The following SLC16A7 variants were observed in gnomAD, a reference collection of about 807,000 sequenced individuals.
SLC16A7 encodes the protein solute carrier family 16 member 7, also known as monocarboxylate transporter 2.
SLC16A7 carries 33 observed loss-of-function variants against 34.9 expected under a neutral mutation model. The ratio of observed to expected loss-of-function variants is 0.94; its 90% confidence interval spans 0.72 to 1.26. The LOEUF (loss-of-function observed/expected upper bound fraction) is 1.26, where lower values mean the gene tolerates loss of function less well. SLC16A7 is among the 50% of genes most tolerant of loss of function. The pLI, the probability that SLC16A7 is intolerant of heterozygous loss-of-function variation, is 0.00. For missense variants in SLC16A7, 573 were observed against 578.1 expected, an observed-to-expected ratio of 0.99 and a Z score of 0.09; for synonymous variants, 201 against 206.6, an observed-to-expected ratio of 0.97 and a Z score of 0.23.
At chr12:59,688,664 C>T (rs1293127982) in intron 2 of SLC16A7, among the ~76,000 whole-genome samples, 3 of 151,776 alleles carry the variant, frequency 2.0e-5, no homozygotes, top group African/African-American at 7.3e-5. Context: ...TGTGAGTATC[C>T]TCTTTACAAT....
At chr12:59,691,822 A>C (rs1592506461) in intron 2 of SLC16A7, among the ~76,000 whole-genome samples, 1 of 151,954 alleles carries the variant, frequency 6.6e-6, no homozygotes, top group Admixed American at 6.6e-5. Flanking sequence ...TCAGTTTGCC[A>C]CAGTGATAAA....
intron 2 of SLC16A7, among the ~76,000 whole-genome samples, chr12:59,681,255 T>C (rs1256707103): frequency 6.6e-6 from 1 of 152,224 alleles, no homozygotes; most frequent in Non-Finnish European, 1.5e-5. Context: ...GCGAGACAAG[T>C]GTATGTACCA....
In SLC16A7 at chr12:59,676,048, G is replaced by A. The variant is rs140338469; in HGVS notation, c.-31+20798G>A. On this transcript the variant is annotated intron_variant, in intron 2 of 5. Coordinates refer to ENST00000547379, the MANE Select transcript of SLC16A7 (RefSeq NM_001270623.2). ...AGGCAAATTGTCAAGAAATTTATGA[G>A]GGTAACAGCTTGAATATGTGTTCCC... 2.0e-3 allele frequency among the ~76,000 whole-genome samples: 305 copies of A among 152,136 alleles called. 1 individual carries two copies. Among genetic ancestry groups the A allele is most frequent in the African/African-American group, 6.9e-3 (286 of 41,500 alleles).
At chr12:59,693,381 TGAAA>T (rs1490454349) in intron 2 of SLC16A7, among the ~76,000 whole-genome samples, 6 of 151,908 alleles carry the variant, frequency 3.9e-5, no homozygotes, top group African/African-American at 1.4e-4. Flanking sequence ...TTTATGTGAC[TGAAA>T]GAGTCTTGAA....
chr12:59,678,014 T>G (rs1056908365), intron 2 of SLC16A7, among the ~76,000 whole-genome samples: 20 of 152,134 alleles, frequency 1.3e-4, no homozygotes, highest in African/African-American at 4.8e-4. Context: ...GGCCTGAATA[T>G]CACACCTGCC....
intron 3 of SLC16A7, among the ~76,000 whole-genome samples, chr12:59,763,635 C>A (rs1002591627): frequency 4.6e-5 from 7 of 152,084 alleles, no homozygotes; most frequent in African/African-American, 1.7e-4. Context: ...CTACTTATTG[C>A]ATTTCACTTT....
chr12:59,739,998 T>C (rs1364559691), intron 3 of SLC16A7, among the ~76,000 whole-genome samples: 2 of 152,060 alleles, frequency 1.3e-5, no homozygotes, highest in Non-Finnish European at 2.9e-5. Context: ...GTAGGTTGCC[T>C]GTTCACTCTG....
chr12:59,770,792 A>G (rs1007287686), intron 3 of SLC16A7, among the ~76,000 whole-genome samples: 2 of 152,216 alleles, frequency 1.3e-5, no homozygotes, highest in African/African-American at 4.8e-5. Context: ...AATTAATGGC[A>G]TATGTATGTG....
chr12:59,687,651 A>T (rs552614479), intron 2 of SLC16A7, among the ~76,000 whole-genome samples: 1 of 152,252 alleles, frequency 6.6e-6, no homozygotes, highest in East Asian at 1.9e-4. Flanking sequence ...TTTCTTGCCC[A>T]TGCTGCTTAG....
intron 1 of SLC16A7, among the ~76,000 whole-genome samples, chr12:59,628,696 T>A (rs749765989): frequency 4.0e-5 from 6 of 151,792 alleles, no homozygotes; most frequent in African/African-American, 7.3e-5. Context: ...GCGCGTATTT[T>A]GTCCAGTACC....
chr12:59,704,925 G>C lies in SLC16A7; in HGVS notation c.124G>C (p.Val42Leu). ...FSYAFPKAVTVFFKEIQQIFH... is the reference protein window; with the variant it reads ...FSYAFPKAVTLFFKEIQQIFH... The stretch of plus-strand genomic sequence containing the variant: ...CTATGCATTCCCCAAAGCTGTCACC[G>C]TATTCTTCAAAGAAATTCAGCAAAT... Residue 42 changes from valine (V) to leucine (L), a missense_variant, in exon 3 of 6, where the codon GTA becomes CTA. Coordinates refer to ENST00000547379, the MANE Select transcript of SLC16A7 (RefSeq NM_001270623.2). 6.2e-7 allele frequency: 1 copy of C among 1,613,086 alleles called. No individual in the cohort carries two copies. The highest frequency in any genetic ancestry group is 8.5e-7 in the Non-Finnish European group (1 of 1,179,182).
Position 59,764,933 on chromosome 12 carries a change from G to A in SLC16A7, c.218-6286G>A, listed in dbSNP as rs538470327. ...ACTGTCTTCCACAATGGTTGAACTAGTTTACAGTCCCACCAACAGTGTGAA... is the reference window on the plus strand; with the variant it reads ...ACTGTCTTCCACAATGGTTGAACTAATTTACAGTCCCACCAACAGTGTGAA... On this transcript the variant is annotated intron_variant, in intron 3 of 5. Coordinates refer to ENST00000547379, the MANE Select transcript of SLC16A7 (RefSeq NM_001270623.2). Among the ~76,000 whole-genome samples the A allele has an allele frequency of 3.3e-5, 5 of 152,258 alleles. No homozygotes were observed. In the East Asian group the frequency reaches 7.7e-4, roughly 24 times the overall value.
chr12:59,676,136 A>T (rs1206168222), intron 2 of SLC16A7, among the ~76,000 whole-genome samples: 3 of 152,120 alleles, frequency 2.0e-5, no homozygotes, highest in African/African-American at 7.2e-5. Flanking sequence ...TAAGTCTCAA[A>T]ACCTAAAGTT....
intron 2 of SLC16A7, among the ~76,000 whole-genome samples, chr12:59,703,934 G>T (rs2137136712): frequency 6.6e-6 from 1 of 151,892 alleles, no homozygotes; most frequent in South Asian, 2.1e-4. Context: ...GGATGCGGTG[G>T]CTCACACCCG....
chr12:59,714,701 A>C (rs1425642631), intron 3 of SLC16A7, among the ~76,000 whole-genome samples: 2 of 152,040 alleles, frequency 1.3e-5, no homozygotes, highest in Non-Finnish European at 2.9e-5. Context: ...AGTAGCTAGG[A>C]TTACAGGTGC....
chr12:59,614,938 G>A (rs1879377043), intron 1 of SLC16A7, among the ~76,000 whole-genome samples: 1 of 151,186 alleles, frequency 6.6e-6, no homozygotes, highest in African/African-American at 2.4e-5. Context: ...GGGAGGTGGA[G>A]TTTGCAGTGA....
At position 59,771,302 on chromosome 12, in the gene SLC16A7, G is replaced by C; in HGVS notation, c.301G>C (p.Val101Leu). 6.2e-7 allele frequency: 1 copy of C among 1,613,248 alleles called. No homozygotes were observed. Among genetic ancestry groups the C allele is most frequent in the African/African-American group, 1.3e-5 (1 of 74,988 alleles). ...AGGLLCCLGMVLASFSSSVVQ... is the reference protein window; with the variant it reads ...AGGLLCCLGMLLASFSSSVVQ... ...AGGCTTATTATGCTGTCTTGGAATG[G>C]TGTTGGCCTCCTTTAGTAGCAGCGT... The change falls in exon 4 of 6, where the codon GTG becomes CTG. Residue 101 changes from valine to leucine, a missense_variant. Physicochemically the swap from Val to Leu is conservative, Grantham distance 32. Transcript: ENST00000547379.
intron 2 of SLC16A7, among the ~76,000 whole-genome samples, chr12:59,698,226 T>C (rs1406387121): frequency 1.3e-5 from 2 of 151,796 alleles, no homozygotes. Flanking sequence ...TATAGAATAT[T>C]AACTAGGGAA....
intron 3 of SLC16A7, among the ~76,000 whole-genome samples, chr12:59,738,283 A>G (rs1365972666): frequency 6.6e-6 from 1 of 152,200 alleles, no homozygotes; most frequent in South Asian, 2.1e-4. Flanking sequence ...TCCATAAAAT[A>G]TGCAACTATA....
Sources: gnomAD v4.1 joint callset for allele counts (sites outside exome capture counted in the v4.1 genomes callset) on GRCh38, gnomAD v4.1.1 for gene constraint, MANE v1.5 for transcripts, NCBI Gene and HGNC (gene_info 2026-07-23, HGNC 2026-07-21) for gene names.